ADAMTS6: variants seen among roughly 807,000 people sequenced by gnomAD.
ADAMTS6 encodes ADAM metallopeptidase with thrombospondin type 1 motif 6.
Under a neutral mutation model 144.3 loss-of-function variants are expected in ADAMTS6, and 23 were observed. That is an observed-to-expected ratio of 0.16 (90% CI 0.11 to 0.23). The LOEUF is 0.23. ADAMTS6 is among the 10% of genes least tolerant of loss of function. The probability of loss-of-function intolerance (pLI) is 1.00; values close to 1 mark genes in which losing one functional copy is unlikely to be tolerated. For synonymous variants in ADAMTS6, 444 were observed against 457.5 expected, an observed-to-expected ratio of 0.97 and a Z score of 0.38; for missense variants, 999 against 1,379.6, an observed-to-expected ratio of 0.72 and a Z score of 4.37.
chr5:65,232,697 A>G (rs1293963971), intron 15 of ADAMTS6, among the ~76,000 whole-genome samples: 1 of 131,416 alleles, frequency 7.6e-6, no homozygotes, highest in South Asian at 2.2e-4. Context: ...TTGAAACAGT[A>G]AAAAAAAAAA....
intron 4 of ADAMTS6, among the ~76,000 whole-genome samples, chr5:65,454,979 A>G (rs1411944483): frequency 1.3e-5 from 2 of 152,326 alleles, no homozygotes; most frequent in East Asian, 1.9e-4. Context: ...TAATATTGTT[A>G]CAAAACAGCT....
intron 24 of ADAMTS6, among the ~76,000 whole-genome samples, chr5:65,161,492 G>C (rs1269626716): frequency 6.6e-6 from 1 of 152,150 alleles, no homozygotes; most frequent in East Asian, 1.9e-4. Flanking sequence ...TGATTACTTA[G>C]TCTATGAAGC....
intron 7 of ADAMTS6, among the ~76,000 whole-genome samples, chr5:65,367,878 G>GTA (rs532836822): frequency 8.6e-5 from 13 of 151,376 alleles, no homozygotes; most frequent in Middle Eastern, 3.4e-3. Context: ...ATATGTGTGT[G>GTA]TATATATATA....
At chr5:65,281,857 A>G (rs1480672106) in intron 11 of ADAMTS6, among the ~76,000 whole-genome samples, 2 of 152,152 alleles carry the variant, frequency 1.3e-5, no homozygotes, top group East Asian at 1.9e-4. Flanking sequence ...TTTCACAAAG[A>G]GTATAATTTC....
intron 9 of ADAMTS6, among the ~76,000 whole-genome samples, chr5:65,323,861 A>G (rs1182547873): frequency 6.6e-6 from 1 of 152,168 alleles, no homozygotes; most frequent in African/African-American, 2.4e-5. Context: ...CATTTCTCTG[A>G]TGGCCAGTGA....
intron 7 of ADAMTS6, among the ~76,000 whole-genome samples, chr5:65,426,976 GAACA>G (rs1276860029): frequency 1.3e-5 from 2 of 151,862 alleles, no homozygotes; most frequent in Non-Finnish European, 2.9e-5. Context: ...AACAGAAACA[GAACA>G]AACTTTACAG....
intron 7 of ADAMTS6, among the ~76,000 whole-genome samples, chr5:65,407,037 T>C (rs920952561): frequency 3.3e-5 from 5 of 152,038 alleles, no homozygotes; most frequent in African/African-American, 9.7e-5. Flanking sequence ...ACAGGGAGAA[T>C]GGAACCAAGT....
chr5:65,448,772 C>T (rs989271885), intron 7 of ADAMTS6, among the ~76,000 whole-genome samples: 3 of 151,870 alleles, frequency 2.0e-5, no homozygotes, highest in Admixed American at 6.6e-5. Context: ...TTGATAAACA[C>T]ATTATACATT....
At chr5:65,310,415 A>T in intron 9 of ADAMTS6, among the ~76,000 whole-genome samples, 2 of 152,196 alleles carry the variant, frequency 1.3e-5, no homozygotes, top group Non-Finnish European at 2.9e-5. Flanking sequence ...GGTCCCAGCT[A>T]CATGGGAGGC....
At chr5:65,396,506 T>C (rs774846749) in intron 7 of ADAMTS6, among the ~76,000 whole-genome samples, 53 of 152,334 alleles carry the variant, frequency 3.5e-4, no homozygotes, top group Non-Finnish European at 6.8e-4. Context: ...TCATCTGTGC[T>C]GTCAAACCAT....
chr5:65,319,749 G>T (rs563029587), intron 9 of ADAMTS6, among the ~76,000 whole-genome samples: 1 of 66,860 alleles, frequency 1.5e-5, no homozygotes, highest in South Asian at 6.6e-4. Flanking sequence ...GGGAAGGAAG[G>T]AAGGAAGGAA....
intron 7 of ADAMTS6, among the ~76,000 whole-genome samples, chr5:65,420,957 C>A (rs77404831): frequency 0.015 from 2,232 of 152,086 alleles, 50 homozygotes; most frequent in African/African-American, 0.051. Context: ...TGTAAGAATT[C>A]TTACATGTTA....
At chr5:65,259,956 T>C (rs1438977791) in intron 14 of ADAMTS6, among the ~76,000 whole-genome samples, 2 of 152,150 alleles carry the variant, frequency 1.3e-5, no homozygotes, top group Non-Finnish European at 2.9e-5. Flanking sequence ...ATAAACATTG[T>C]CAATCCACTT....
At position 65,329,488 on chromosome 5, in the gene ADAMTS6, A is replaced by G; in HGVS notation, c.1118-5T>C. ...TTCCAGCCACAGAGGCCAAGCCTGA[A>G]TAAACAGAAAGAGACACAAAGGGTC... On this transcript the variant is annotated splice_polypyrimidine_tract_variant and splice_region_variant and intron_variant, in intron 8 of 24. Transcript: ENST00000381055. The G allele has an allele frequency of 1.9e-6, 3 of 1,606,088 alleles. No homozygotes were observed. The highest frequency in any genetic ancestry group is 2.5e-6 in the Non-Finnish European group (3 of 1,177,046).
intron 15 of ADAMTS6, among the ~76,000 whole-genome samples, chr5:65,235,544 T>C (rs1020657593): frequency 6.6e-6 from 1 of 152,102 alleles, no homozygotes; most frequent in African/African-American, 2.4e-5. Context: ...TTGGGCACAA[T>C]CTAATCAGCT....
intron 24 of ADAMTS6, among the ~76,000 whole-genome samples, chr5:65,152,433 G>C (rs544087463): frequency 6.8e-4 from 72 of 105,638 alleles, no homozygotes; most frequent in Admixed American, 1.7e-3. Context: ...GGATGGGCCT[G>C]GGTGAATGAA....
intron 7 of ADAMTS6, among the ~76,000 whole-genome samples, chr5:65,443,569 C>T (rs1758033623): frequency 7.8e-6 from 1 of 128,914 alleles, no homozygotes; most frequent in African/African-American, 3.1e-5. Flanking sequence ...TTGCAATGAG[C>T]TTAAGATCAC....
At chr5:65,443,577 C>T (rs945321106) in intron 7 of ADAMTS6, among the ~76,000 whole-genome samples, 5 of 122,570 alleles carry the variant, frequency 4.1e-5, no homozygotes, top group African/African-American at 1.6e-4. Flanking sequence ...AGCTTAAGAT[C>T]ACAACACTGC....
At chr5:65,296,506 G>T (rs1247942858) in intron 10 of ADAMTS6, among the ~76,000 whole-genome samples, 1 of 152,142 alleles carries the variant, frequency 6.6e-6, no homozygotes, top group Non-Finnish European at 1.5e-5. Flanking sequence ...AAATGTATCA[G>T]ATAAACAGAA....
Sources: allele counts gnomAD v4.1 joint callset (sites outside exome capture counted in the v4.1 genomes callset), GRCh38; gene constraint gnomAD v4.1.1; transcripts MANE v1.5; gene names NCBI Gene and HGNC (gene_info 2026-07-23, HGNC 2026-07-21).